AOX1: variants seen among roughly 807,000 people sequenced by gnomAD.
The protein encoded by AOX1 is aldehyde oxidase.
Under a neutral mutation model 169.5 loss-of-function variants are expected in AOX1, and 153 were observed. The ratio of observed to expected loss-of-function variants is 0.90; its 90% CI spans 0.79 to 1.03. The LOEUF is 1.03. AOX1 is among the 50% of genes least tolerant of loss of function. The pLI, the probability that AOX1 is intolerant of heterozygous loss-of-function variation, is 0.00. For missense variants in AOX1, 1,656 were observed against 1,663.9 expected, an observed-to-expected ratio of 1.00 and a Z score of 0.08; for synonymous variants, 562 against 581.9, an observed-to-expected ratio of 0.97 and a Z score of 0.49.
In AOX1 at chr2:200,586,163, C is replaced by T. The variant is rs963771450; in HGVS notation, c.45+10C>T. On this transcript the variant is annotated intron_variant, in intron 1 of 34. Coordinates refer to ENST00000374700, the MANE Select transcript of AOX1 (RefSeq NM_001159.4). ...CGTGAACGGCCGCAAGGTGAGCGCC[C>T]GCGGGCTTCCTCTGCCCCCAGACCT... 8 of 1,555,004 alleles carry T rather than the reference C, an allele frequency of 5.1e-6. No homozygotes were observed. The highest frequency in any genetic ancestry group is 1.9e-5 in the Admixed American group (1 of 52,084).
intron 27 of AOX1, among the ~76,000 whole-genome samples, chr2:200,658,837 G>A (rs1025382915): frequency 1.8e-4 from 28 of 152,320 alleles, no homozygotes; most frequent in Non-Finnish European, 1.6e-4. Flanking sequence ...GAGTGTGGTC[G>A]TAGGAGAAGC....
chr2:200,662,657 C>T (rs1383210743), intron 30 of AOX1, among the ~76,000 whole-genome samples, 198 bp from the exon 31 acceptor site: 1 of 152,224 alleles, frequency 6.6e-6, no homozygotes, highest in East Asian at 1.9e-4. Flanking sequence ...ATGTTTTTAT[C>T]AGACAAAGCA....
At chr2:200,593,228 T>G (rs2034211858) in intron 2 of AOX1, 25 bp downstream of exon 2, 3 of 1,571,780 alleles carry the variant, frequency 1.9e-6, no homozygotes, top group African/African-American at 1.3e-5. Context: ...ACTTTGACTG[T>G]GTATGTGTGT....
chr2:200,624,646 C>T (rs1199537745), intron 19 of AOX1, among the ~76,000 whole-genome samples: 1 of 152,154 alleles, frequency 6.6e-6, no homozygotes, highest in Admixed American at 6.5e-5. Context: ...AGAGATAAGT[C>T]GTATGATGCC....
At chr2:200,657,883 T>G (rs1574958292) in intron 27 of AOX1, among the ~76,000 whole-genome samples, 1 of 152,354 alleles carries the variant, frequency 6.6e-6, no homozygotes, top group East Asian at 1.9e-4. Flanking sequence ...CTTTACATCT[T>G]GTCTTTTTTG....
intron 7 of AOX1, among the ~76,000 whole-genome samples, chr2:200,603,624 TTTTTTCAAGTTA>T (rs1355515010): frequency 6.6e-6 from 1 of 152,338 alleles, no homozygotes; most frequent in East Asian, 1.9e-4. Context: ...TTTAAAAGCA[TTTTTTCAAGTTA>T]TTTTTCAAGG....
At position 200,670,633 on chromosome 2, in the gene AOX1, C is replaced by T. The variant is rs375761698; in HGVS notation, c.3971C>T (p.Pro1324Leu). ...ACEDKFTKMI[P>L]RDEPGSYVPW... The stretch of plus-strand genomic sequence containing the variant: ...CCAGATTTGTTTTTATTTTAGATTC[C>T]GAGAGATGAACCTGGATCCTACGTT... Residue 1324 changes from proline (P) to leucine (L), a missense_variant, in exon 35 of 35, where the codon CCG becomes CTG. Physicochemically the swap from Pro to Leu is moderately conservative, Grantham distance 98 (BLOSUM62 -3). Coordinates refer to ENST00000374700, the MANE Select transcript of AOX1 (RefSeq NM_001159.4). 1.4e-5 allele frequency: 23 copies of T among 1,611,404 alleles called. No homozygotes were observed. The highest frequency in any genetic ancestry group is 1.1e-4 in the South Asian group (10 of 90,934).
chr2:200,660,020 G>T lies in AOX1; in HGVS notation c.3326G>T (p.Arg1109Leu), dbSNP rs376172931. The change falls in exon 29 of 35, where the codon CGC (arginine) becomes CTC (leucine). Residue 1109 changes from arginine to leucine, a missense_variant. Physicochemically the swap from Arg to Leu is moderately radical, Grantham distance 102 (BLOSUM62 -2). Coordinates refer to ENST00000374700, the MANE Select transcript of AOX1 (RefSeq NM_001159.4). Reference protein sequence around the residue: ...VKDACQTLLKRLEPIISKNPK... With the variant: ...VKDACQTLLKLLEPIISKNPK... ...GATGCCTGTCAAACTCTTCTAAAAC[G>T]CCTCGAACCCATCATCAGCAAGAAT... The T allele has an allele frequency of 1.9e-5, 30 of 1,613,710 alleles. No individual in the cohort carries two copies. Among genetic ancestry groups the T allele is most frequent in the Middle Eastern group, 3.3e-4 (2 of 6,062 alleles).
At chr2:200,643,048 G>A (rs1355441102) in intron 25 of AOX1, among the ~76,000 whole-genome samples, 1 of 152,098 alleles carries the variant, frequency 6.6e-6, no homozygotes, top group East Asian at 1.9e-4. Flanking sequence ...TCCCCTGGCT[G>A]GTGAGAAGCT....
chr2:200,662,832 A>G lies in AOX1; in HGVS notation c.3429-23A>G, dbSNP rs769029372. On this transcript the variant is annotated intron_variant, in intron 30 of 34. Transcript: ENST00000374700. ...TGCAATTAGGGGACGTGATCACTTA[A>G]CAACACTCACTGTTTCTTCCAGAGG... 4 of 1,599,112 alleles carry G rather than the reference A, an allele frequency of 2.5e-6. No homozygotes were observed. The South Asian group carries it at 3.3e-5, about 13-fold the overall frequency.
intron 8 of AOX1, 22 bp from the exon 9 acceptor site, chr2:200,604,674 A>C (rs773102745): frequency 2.5e-6 from 4 of 1,613,780 alleles, no homozygotes. Flanking sequence ...GGTACCTTGA[A>C]TCCCTATTGC....
At position 200,662,882 on chromosome 2, in the gene AOX1, G is replaced by A. The variant is rs369827880; in HGVS notation, c.3456G>A (p.Glu1152=). 1 of 1,613,956 alleles carries A rather than the reference G, an allele frequency of 6.2e-7. No homozygotes were observed. Among genetic ancestry groups the A allele is most frequent in the African/African-American group, 1.3e-5 (1 of 74,930 alleles). Residue 1152 remains glutamate, a synonymous_variant, in exon 31 of 35, where the codon GAG becomes GAA. Transcript: ENST00000374700. ...FRGYESDMNW[E]KGEGQPFEYF... The stretch of plus-strand genomic sequence containing the variant: ...GTTATGAGTCAGACATGAACTGGGA[G>A]AAAGGCGAAGGCCAGCCCTTCGAAT...
chr2:200,617,210 GC>G (rs60379557), intron 16 of AOX1, among the ~76,000 whole-genome samples: 11,187 of 152,244 alleles, frequency 0.073, 520 homozygotes, highest in Non-Finnish European at 0.11. Context: ...CAATATGTCT[GC>G]CACATAGATG....
chr2:200,609,162 G>C, intron 11 of AOX1, 27 bp downstream of exon 11: 1 of 1,611,838 alleles, frequency 6.2e-7, no homozygotes, highest in South Asian at 1.1e-5. Context: ...AGTAAACTCT[G>C]GTATGCATCC....
rs747053934 is a variant in AOX1 at position 200,669,693 on chromosome 2, T to G, written c.3917T>G (p.Leu1306Arg). The change falls in exon 34 of 35, where the codon CTG (leucine) becomes CGG (arginine). Residue 1306 changes from leucine to arginine, a missense_variant. Transcript: ENST00000374700. The stretch of plus-strand genomic sequence containing the variant: ...GGACCCTTGACCCTTAATAGTCCAC[T>G]GACCCCGGAGAAGATTAGGATGGCC... ...LHGPLTLNSP[L>R]TPEKIRMACE... The G allele has an allele frequency of 6.2e-6, 10 of 1,613,930 alleles. No homozygotes were observed. In the South Asian group the frequency reaches 1.1e-4, roughly 18 times the overall value.
intron 2 of AOX1, among the ~76,000 whole-genome samples, chr2:200,594,624 G>T (rs1232731041): frequency 6.6e-6 from 1 of 152,102 alleles, no homozygotes; most frequent in Non-Finnish European, 1.5e-5. Flanking sequence ...CTCCTTTTAA[G>T]GACACTCTTC....
At chr2:200,611,706 G>GT (rs1324693049) in intron 13 of AOX1, among the ~76,000 whole-genome samples, 1 of 108,712 alleles carries the variant, frequency 9.2e-6, no homozygotes, top group African/African-American at 3.5e-5. Context: ...CGAATTAGGA[G>GT]ATTTTTTTTT....
chr2:200,625,178 T>G (rs893681595), intron 19 of AOX1, among the ~76,000 whole-genome samples: 14 of 152,214 alleles, frequency 9.2e-5, no homozygotes, highest in Non-Finnish European at 1.5e-4. Context: ...AGTTTCAAAT[T>G]CAAACACTCT....
chr2:200,611,313 A>T, intron 12 of AOX1, 71 bp from the exon 13 acceptor site: 2 of 1,049,332 alleles, frequency 1.9e-6, no homozygotes, highest in Non-Finnish European at 3.0e-6. Flanking sequence ...TGGTAGAATT[A>T]CTTCCTAAGT....
Sources: gnomAD v4.1 joint callset for allele counts (sites outside exome capture counted in the v4.1 genomes callset) on GRCh38, gnomAD v4.1.1 for gene constraint, MANE v1.5 for transcripts, NCBI Gene and HGNC (gene_info 2026-07-23, HGNC 2026-07-21) for gene names.